Variants in PCBP3 observed in about 807,000 individuals in gnomAD.
PCBP3 encodes the protein poly(rC) binding protein 3, also known as poly(rC)-binding protein 3.
Under a neutral mutation model 52.7 loss-of-function variants are expected in PCBP3, and 25 were observed. The ratio of observed to expected loss-of-function variants is 0.47; its 90% CI spans 0.35 to 0.66. PCBP3 has a LOEUF of 0.66. PCBP3 is among the 30% of genes least tolerant of loss of function. The pLI is 0.01. For missense variants in PCBP3, 391 were observed against 490.3 expected (o/e 0.80, Z 1.91); for synonymous variants, 162 against 183.0 (o/e 0.89, Z 0.93).
intron 3 of PCBP3, among the ~76,000 whole-genome samples, chr21:45,754,130 C>T (rs1415239576): frequency 6.6e-6 from 1 of 152,040 alleles, no homozygotes; most frequent in East Asian, 1.9e-4. Context: ...TTACCCAAGA[C>T]TGCTTTCCAA....
chr21:45,669,799 GTGTGTGTATATATATA>G lies in PCBP3; in HGVS notation c.-200+849_-200+864del, dbSNP rs1247365820. ...GAATAATATTCCATTGTGTGTGTGT[GTGTGTGTATATATATA>G]TATATATATATATATATATATATAT... On this transcript the variant is annotated intron_variant, in intron 2 of 17. Coordinates refer to ENST00000681687, the MANE Select transcript of PCBP3 (RefSeq NM_001384156.1). Among the ~76,000 whole-genome samples, 357 of 88,210 alleles carry G rather than the reference GTGTGTGTATATATATA, an allele frequency of 4.0e-3. 6 individuals are homozygous for G. Among genetic ancestry groups the G allele is most frequent in the African/African-American group, 0.012 (318 of 26,360 alleles). The allele number at this position is 88,210 out of a possible 152,430, so 57.9% of individuals were successfully genotyped here.
At chr21:45,820,872 T>A (rs8129037) in intron 4 of PCBP3, among the ~76,000 whole-genome samples, 2,203 of 152,250 alleles carry the variant, frequency 0.014, 56 homozygotes, top group African/African-American at 0.049. Flanking sequence ...ATCTGGGCTG[T>A]GTGCCCCGCC....
intron 12 of PCBP3, 55 bp downstream of exon 12, chr21:45,914,080 C>T (rs2096457671): frequency 1.3e-6 from 2 of 1,595,528 alleles, no homozygotes; most frequent in African/African-American, 2.7e-5. Context: ...TTTACTGCAG[C>T]ACCCGCCGCT....
intron 2 of PCBP3, among the ~76,000 whole-genome samples, chr21:45,730,837 A>T (rs2085399474): frequency 6.6e-6 from 1 of 152,136 alleles, no homozygotes; most frequent in South Asian, 2.1e-4. Flanking sequence ...ATATTAAGAT[A>T]GTCACTCCAC....
At position 45,740,561 on chromosome 21, in the gene PCBP3, G is replaced by A. The variant is rs1349118817; in HGVS notation, c.-162+5132G>A. Among the ~76,000 whole-genome samples, 6 of 152,118 alleles carry A rather than the reference G, an allele frequency of 3.9e-5. No individual in the cohort carries two copies. The East Asian group carries it at 1.2e-3, about 29-fold the overall frequency. On this transcript the variant is annotated intron_variant, in intron 3 of 17. Transcript: ENST00000681687. ...GAAGGCAAATGGTCAGAGCAGATCT[G>A]AACCTAGAAAGCTGAGAGGTGCGTG...
chr21:45,864,633 C>T (rs2094639092), intron 5 of PCBP3, among the ~76,000 whole-genome samples: 1 of 152,124 alleles, frequency 6.6e-6, no homozygotes, highest in Non-Finnish European at 1.5e-5. Flanking sequence ...CCATCGCTGC[C>T]ATGTTTAGTC....
At chr21:45,929,189 G>A (rs2075856772) in intron 13 of PCBP3, among the ~76,000 whole-genome samples, 1 of 152,206 alleles carries the variant, frequency 6.6e-6, no homozygotes. Context: ...CCCGAGGATG[G>A]GAGGAGAAGG....
intron 1 of PCBP3, among the ~76,000 whole-genome samples, chr21:45,652,098 G>T (rs533910502): frequency 6.6e-6 from 1 of 151,868 alleles, no homozygotes; most frequent in South Asian, 2.1e-4. Context: ...CCCTTTCTTT[G>T]TTCTCAGTCA....
chr21:45,894,639 C>T (rs4819165), intron 5 of PCBP3, among the ~76,000 whole-genome samples: 2,535 of 152,322 alleles, frequency 0.017, 82 homozygotes, highest in African/African-American at 0.057. Flanking sequence ...GCTGTCCGCG[C>T]TGCCAGAAAT....
At chr21:45,703,809 C>T (rs1460571833) in intron 2 of PCBP3, among the ~76,000 whole-genome samples, 2 of 152,050 alleles carry the variant, frequency 1.3e-5, no homozygotes, top group East Asian at 3.9e-4. Context: ...CTGGGGCTTG[C>T]TCATGAACAT....
At chr21:45,693,351 T>G (rs1404854262) in intron 2 of PCBP3, among the ~76,000 whole-genome samples, 1 of 152,150 alleles carries the variant, frequency 6.6e-6, no homozygotes, top group African/African-American at 2.4e-5. Context: ...TTATAGTATA[T>G]GATTCCATTA....
At chr21:45,699,430 G>A (rs915432707) in intron 2 of PCBP3, among the ~76,000 whole-genome samples, 4 of 152,102 alleles carry the variant, frequency 2.6e-5, no homozygotes, top group South Asian at 2.1e-4. Context: ...ACCAACACCC[G>A]CTTCCTGTTT....
At chr21:45,738,479 C>T (rs1161357979) in intron 3 of PCBP3, among the ~76,000 whole-genome samples, 1 of 152,112 alleles carries the variant, frequency 6.6e-6, no homozygotes, top group Non-Finnish European at 1.5e-5. Context: ...TGGTCTCGAT[C>T]TCCTGACCTC....
intron 4 of PCBP3, among the ~76,000 whole-genome samples, chr21:45,772,840 C>A (rs2089980531): frequency 6.6e-6 from 1 of 152,134 alleles, no homozygotes; most frequent in Non-Finnish European, 1.5e-5. Flanking sequence ...TTATGTTGAA[C>A]ATTTTTTTCA....
rs141540295 is a variant in PCBP3, at chr21:45,856,752, C to T, written c.10+6657C>T. ...TGACCATGGCCTGTGACGCAGCCCTCAGGAGGTCCTGAGAACATGTACCCA... is the reference window on the plus strand; with the variant it reads ...TGACCATGGCCTGTGACGCAGCCCTTAGGAGGTCCTGAGAACATGTACCCA... On this transcript the variant is annotated intron_variant, in intron 5 of 17. Coordinates refer to ENST00000681687, the MANE Select transcript of PCBP3 (RefSeq NM_001384156.1). Among the ~76,000 whole-genome samples the T allele has an allele frequency of 2.0e-3, 299 of 152,332 alleles. 2 individuals carry two copies. Among genetic ancestry groups the T allele is most frequent in the African/African-American group, 6.9e-3 (286 of 41,572 alleles).
chr21:45,775,224 T>C (rs1331594815), intron 4 of PCBP3, among the ~76,000 whole-genome samples: 1 of 152,180 alleles, frequency 6.6e-6, no homozygotes, highest in African/African-American at 2.4e-5. Flanking sequence ...TATTTCCTCC[T>C]GACTCAGTCT....
intron 5 of PCBP3, among the ~76,000 whole-genome samples, chr21:45,869,931 T>G (rs2094931615): frequency 6.6e-6 from 1 of 152,258 alleles, no homozygotes; most frequent in African/African-American, 2.4e-5. Context: ...AACCACTGAC[T>G]CACACTGTGC....
chr21:45,892,503 GTGGAGGGCGCA>G (rs2095701290), intron 5 of PCBP3, among the ~76,000 whole-genome samples: 1 of 149,924 alleles, frequency 6.7e-6, no homozygotes, highest in African/African-American at 2.5e-5. Flanking sequence ...CTCACGGGGC[GTGGAGGGCGCA>G]GTCCCGTCTC....
intron 14 of PCBP3, 83 bp downstream of exon 14, chr21:45,930,078 C>A: frequency 1.2e-6 from 1 of 865,472 alleles, no homozygotes; most frequent in Non-Finnish European, 1.8e-6. Context: ...CGGTGCAGTG[C>A]ATAGAACAGG....
Sources: allele counts gnomAD v4.1 joint callset (sites outside exome capture counted in the v4.1 genomes callset), GRCh38; gene constraint gnomAD v4.1.1; transcripts MANE v1.5; gene names NCBI Gene and HGNC (gene_info 2026-07-23, HGNC 2026-07-21).